GPHN: variants seen among roughly 807,000 people sequenced by gnomAD.
GPHN encodes the protein gephyrin.
A neutral mutation model predicts 95.5 loss-of-function variants in GPHN; 17 were observed. That is an observed-to-expected ratio of 0.18 (90% CI 0.12 to 0.27). GPHN has a LOEUF of 0.27. Ranked by LOEUF, GPHN falls within the 10% of genes least tolerant of loss-of-function variation. GPHN has a pLI of 1.00. For missense variants in GPHN, 660 were observed against 978.1 expected, an observed-to-expected ratio of 0.67 and a Z score of 4.34; for synonymous variants, 320 against 322.5, an observed-to-expected ratio of 0.99 and a Z score of 0.08.
At chr14:67,606,894 C>T in the GPHN span, among the ~76,000 whole-genome samples, 1 of 152,170 alleles carries the variant, frequency 6.6e-6, no homozygotes, top group Non-Finnish European at 1.5e-5. Flanking sequence ...GATCTGCCCA[C>T]CTCGGCCTCC....
At chr14:67,250,079 A>G in the GPHN span, among the ~76,000 whole-genome samples, 8 of 152,176 alleles carry the variant, frequency 5.3e-5, no homozygotes, top group Admixed American at 1.3e-4. Flanking sequence ...GAGCGATTTT[A>G]TGGCACACAA....
At chr14:66,991,128 A>G (rs2085614003) in intron 9 of GPHN, among the ~76,000 whole-genome samples, 2 of 152,046 alleles carry the variant, frequency 1.3e-5, no homozygotes, top group South Asian at 4.1e-4. Context: ...TGATTCATAA[A>G]ATGGGATGTA....
At chr14:67,320,977 AT>A in the GPHN span, 1 of 1,179,622 alleles carries the variant, frequency 8.5e-7, no homozygotes, top group East Asian at 2.4e-5. Flanking sequence ...CAAAATAGAA[AT>A]TCTTTCTGAC....
At chr14:67,575,915 C>G in the GPHN span, 1 of 1,613,684 alleles carries the variant, frequency 6.2e-7, no homozygotes, top group Non-Finnish European at 8.5e-7. Context: ...CTGGAGGAAC[C>G]AGACGGTTGC....
At chr14:66,935,853 A>G (rs2067105492) in intron 8 of GPHN, among the ~76,000 whole-genome samples, 2 of 152,184 alleles carry the variant, frequency 1.3e-5, no homozygotes, top group African/African-American at 4.8e-5. Flanking sequence ...TTCTCTAAGC[A>G]TTTTATATAT....
In GPHN at chr14:67,110,193, A is replaced by G; in HGVS notation, c.1347A>G (p.Pro449=). ...TCATGCGGGTTACAACAGGTGCTCC[A>G]ATACCCTGCGGTGCTGATGCAGTAG... is the stretch of plus-strand genomic sequence containing the variant. ...GQVMRVTTGA[P]IPCGADAVVQ... The change falls in exon 14 of 23, where the codon CCA becomes CCG. Residue 449 remains proline (P), a synonymous_variant. Transcript: ENST00000478722. The G allele has an allele frequency of 6.2e-7, 1 of 1,612,828 alleles. No homozygotes were observed. The highest frequency in any genetic ancestry group is 1.7e-4 in the Middle Eastern group (1 of 6,060).
At chr14:66,733,933 A>G (rs559030766) in intron 2 of GPHN, among the ~76,000 whole-genome samples, 18 of 152,254 alleles carry the variant, frequency 1.2e-4, no homozygotes, top group African/African-American at 4.1e-4. Context: ...CTTCATCACC[A>G]CCGCCATTGC....
chr14:66,829,066 A>T (rs2061485748), intron 4 of GPHN, among the ~76,000 whole-genome samples: 1 of 150,356 alleles, frequency 6.7e-6, no homozygotes. Context: ...CTGGTTTTTA[A>T]TAATAGATTG....
At chr14:67,584,592 A>G in the GPHN span, among the ~76,000 whole-genome samples, 2 of 152,210 alleles carry the variant, frequency 1.3e-5, no homozygotes, top group African/African-American at 4.8e-5. Flanking sequence ...GTTGTGCATA[A>G]ACTTTATAGA....
intron 11 of GPHN, among the ~76,000 whole-genome samples, chr14:67,076,875 C>G (rs530874875): frequency 6.6e-6 from 1 of 152,244 alleles, no homozygotes; most frequent in African/African-American, 2.4e-5. Flanking sequence ...AATGATAAAT[C>G]TTGGTTAGCC....
chr14:67,533,145 G>A, the GPHN span, among the ~76,000 whole-genome samples: 1 of 152,266 alleles, frequency 6.6e-6, no homozygotes, highest in Admixed American at 6.5e-5. Context: ...GGGGAGCCGA[G>A]GGGAGGAGGG....
At chr14:66,674,651 CTT>C (rs985981986) in intron 1 of GPHN, among the ~76,000 whole-genome samples, 4 of 152,150 alleles carry the variant, frequency 2.6e-5, no homozygotes, top group Non-Finnish European at 5.9e-5. Flanking sequence ...TTCTCTCTCT[CTT>C]TTTTATGACT....
At chr14:66,893,276 A>G (rs2064624005) in intron 5 of GPHN, among the ~76,000 whole-genome samples, 2 of 152,148 alleles carry the variant, frequency 1.3e-5, no homozygotes, top group African/African-American at 4.8e-5. Flanking sequence ...CTGCATTTCC[A>G]ACTGAGGTAC....
chr14:67,135,168 C>T (rs2079996908), intron 17 of GPHN, among the ~76,000 whole-genome samples: 1 of 151,966 alleles, frequency 6.6e-6, no homozygotes, highest in Admixed American at 6.6e-5. Context: ...CCATGTTGGC[C>T]AGGCTGGTCT....
Position 67,116,289 on chromosome 14 carries a change from AAAAGAAAAAGAAAGAAAG to A in GPHN, c.1626+3140_1626+3157del, listed in dbSNP as rs1192830306. Among the ~76,000 whole-genome samples, 14 of 147,880 alleles carry A rather than the reference AAAAGAAAAAGAAAGAAAG, an allele frequency of 9.5e-5. No individual in the cohort carries two copies. In the South Asian group the frequency reaches 1.1e-3, roughly 11 times the overall value. On this transcript the variant is annotated intron_variant, in intron 16 of 22. Coordinates refer to ENST00000478722, the MANE Select transcript of GPHN (RefSeq NM_020806.5). ...AGAAAGAAAAGAAAAAGAAAGAAAG[AAAAGAAAAAGAAAGAAAG>A]AAAGAAAAAGAAAGAAAGAAACAGA...
At chr14:67,145,443 A>G (rs970258388) in intron 18 of GPHN, among the ~76,000 whole-genome samples, 3 of 152,124 alleles carry the variant, frequency 2.0e-5, no homozygotes, top group African/African-American at 7.2e-5. Context: ...AGTTAAGCAT[A>G]TTGGTTTTAT....
At chr14:67,457,318 G>C in the GPHN span, among the ~76,000 whole-genome samples, 35 of 152,316 alleles carry the variant, frequency 2.3e-4, 1 homozygote, top group Admixed American at 2.0e-3. Context: ...AAACAGCAGG[G>C]CATGCTGGCT....
At chr14:67,057,413 G>GC (rs945615809) in intron 10 of GPHN, among the ~76,000 whole-genome samples, 5 of 151,480 alleles carry the variant, frequency 3.3e-5, no homozygotes, top group African/African-American at 1.2e-4. Context: ...CACATGGGTG[G>GC]GGGGGGCAAC....
the GPHN span, chr14:67,562,196 G>A: frequency 5.6e-6 from 9 of 1,611,674 alleles, no homozygotes; most frequent in East Asian, 1.1e-4. Flanking sequence ...TGCAGAGCAG[G>A]ATTCTGTCCC....
Sources: gnomAD v4.1 joint callset for allele counts (sites outside exome capture counted in the v4.1 genomes callset) on GRCh38, gnomAD v4.1.1 for gene constraint, MANE v1.5 for transcripts, NCBI Gene and HGNC (gene_info 2026-07-23, HGNC 2026-07-21) for gene names.